The following XXYLT1 variants were observed in gnomAD, a reference collection of about 807,000 sequenced individuals.
The protein encoded by XXYLT1 is UDP-xylose:alpha-xyloside alpha-1,3-xylosyltransferase.
XXYLT1 carries 20 observed loss-of-function variants against 28.9 expected under a neutral mutation model. The ratio of observed to expected loss-of-function variants is 0.69; its 90% CI spans 0.49 to 1.00. The LOEUF is 1.00. Ranked by LOEUF, XXYLT1 falls within the 50% of genes least tolerant of loss-of-function variation. The pLI, the probability that XXYLT1 is intolerant of heterozygous loss-of-function variation, is 0.00. For missense variants in XXYLT1, 542 were observed against 560.1 expected (o/e 0.97, Z 0.33); for synonymous variants, 257 against 253.8 (o/e 1.01, Z -0.12).
chr3:195,138,973 A>G (rs1219852006), intron 3 of XXYLT1, among the ~76,000 whole-genome samples: 1 of 152,062 alleles, frequency 6.6e-6, no homozygotes, highest in Non-Finnish European at 1.5e-5. Context: ...AAGGGCCCCA[A>G]GTGTGGAAGA....
At chr3:195,161,265 T>C (rs1720856724) in intron 2 of XXYLT1, among the ~76,000 whole-genome samples, 1 of 152,178 alleles carries the variant, frequency 6.6e-6, no homozygotes, top group Non-Finnish European at 1.5e-5. Context: ...CAAAAAAGGC[T>C]CAGGGTGGAG....
intron 1 of XXYLT1, among the ~76,000 whole-genome samples, chr3:195,237,104 A>C (rs541785223): frequency 3.9e-5 from 6 of 152,284 alleles, no homozygotes; most frequent in African/African-American, 9.6e-5. Flanking sequence ...CTGGTGTCTC[A>C]TTAGGTCATG....
chr3:195,129,744 G>T lies in XXYLT1; in HGVS notation c.785+26705C>A. Among the ~76,000 whole-genome samples, 1 of 152,018 alleles carries T rather than the reference G, an allele frequency of 6.6e-6. No individual in the cohort carries two copies. The highest frequency in any genetic ancestry group is 1.9e-4 in the East Asian group (1 of 5,198). On this transcript the variant is annotated intron_variant, in intron 3 of 3. Coordinates refer to ENST00000310380, the MANE Select transcript of XXYLT1 (RefSeq NM_152531.5). The surrounding 1 kb of genome is among the most constrained non-coding windows in gnomAD (Gnocchi z 4.4). ...TCTCGGGCATTTGGTGATTTCCACC[G>T]TTTGGCTATTATGACTCATGCTGAT...
At chr3:195,253,400 CAA>C (rs1275281159) in intron 1 of XXYLT1, among the ~76,000 whole-genome samples, 1 of 151,946 alleles carries the variant, frequency 6.6e-6, no homozygotes, top group Non-Finnish European at 1.5e-5. Context: ...CAGCCTTAAG[CAA>C]AAGACACGTT....
intron 3 of XXYLT1, among the ~76,000 whole-genome samples, chr3:195,082,562 G>A (rs1292659825): frequency 6.6e-6 from 1 of 152,200 alleles, no homozygotes; most frequent in African/African-American, 2.4e-5. Context: ...CCCTGAAGAA[G>A]GATCTCTCGG....
At chr3:195,113,685 G>A (rs1038122752) in intron 3 of XXYLT1, among the ~76,000 whole-genome samples, 5 of 152,010 alleles carry the variant, frequency 3.3e-5, no homozygotes, top group African/African-American at 1.2e-4. Context: ...CACCTACTCG[G>A]AGCCAGGCCT....
At chr3:195,147,425 C>G (rs1277354754) in intron 3 of XXYLT1, among the ~76,000 whole-genome samples, 1 of 152,138 alleles carries the variant, frequency 6.6e-6, no homozygotes, top group Non-Finnish European at 1.5e-5. Flanking sequence ...CAAAAATTAG[C>G]CAGGCATGGT....
At chr3:195,211,068 C>T (rs6762327) in intron 2 of XXYLT1, among the ~76,000 whole-genome samples, 6,584 of 152,200 alleles carry the variant, frequency 0.043, 450 homozygotes, top group African/African-American at 0.15. Flanking sequence ...CGGGATTCCA[C>T]CCCCAAAGGT....
intron 1 of XXYLT1, among the ~76,000 whole-genome samples, chr3:195,243,731 T>C (rs1724882048): frequency 6.6e-6 from 1 of 152,210 alleles, no homozygotes; most frequent in African/African-American, 2.4e-5. Flanking sequence ...ATGCTCTGAA[T>C]TTGGTTAGCT....
intron 1 of XXYLT1, 53 bp downstream of exon 1, chr3:195,270,502 G>C: frequency 7.4e-7 from 1 of 1,355,202 alleles, no homozygotes; most frequent in Non-Finnish European, 9.5e-7. Context: ...AACTGACCTC[G>C]CCTAGGATGG....
chr3:195,218,584 T>G (rs1264620997), intron 2 of XXYLT1, among the ~76,000 whole-genome samples: 2 of 151,948 alleles, frequency 1.3e-5, no homozygotes. Context: ...TCACTGGCCA[T>G]CAGAGAAATG....
chr3:195,154,003 G>T (rs995291620), intron 3 of XXYLT1: 1 of 152,304 alleles, frequency 6.6e-6, no homozygotes, highest in East Asian at 1.9e-4. Flanking sequence ...CTTCTCAGGT[G>T]GGGGAACAAA....
chr3:195,101,983 T>C (rs1165281248), intron 3 of XXYLT1, among the ~76,000 whole-genome samples: 1 of 956 alleles, frequency 1.0e-3, no homozygotes, highest in Admixed American at 9.8e-3. Context: ...GAGGGAGGGA[T>C]GCGGGGAGGG....
At chr3:195,259,236 C>A (rs574511197) in intron 1 of XXYLT1, among the ~76,000 whole-genome samples, 1 of 152,370 alleles carries the variant, frequency 6.6e-6, no homozygotes, top group East Asian at 1.9e-4. Context: ...TAAATAAAAC[C>A]AATGGCCTTA....
intron 3 of XXYLT1, among the ~76,000 whole-genome samples, chr3:195,111,763 A>T (rs28756361): frequency 2.0e-5 from 3 of 152,106 alleles, no homozygotes; most frequent in Non-Finnish European, 4.4e-5. Flanking sequence ...TTCTAACATA[A>T]GCTGTCTTCA....
Position 195,069,376 on chromosome 3 carries a change from G to A in XXYLT1, c.*339C>T. On this transcript the variant is annotated 3_prime_UTR_variant, in exon 4 of 4. Transcript: ENST00000310380. ...TTTATATTGGTCCAAAAAAGGCCGG[G>A]TCTAAAGGATTTCCATTCCTCAGAG... 1 of 289,282 alleles carries A rather than the reference G, an allele frequency of 3.5e-6. No individual in the cohort carries two copies. Among genetic ancestry groups the A allele is most frequent in the Non-Finnish European group, 6.5e-6 (1 of 154,646 alleles). The allele number at this position is 289,282 out of a possible 1,614,324, so 17.9% of individuals were successfully genotyped here.
chr3:195,183,791 A>C (rs1722059357), intron 2 of XXYLT1, among the ~76,000 whole-genome samples: 1 of 152,202 alleles, frequency 6.6e-6, no homozygotes, highest in Non-Finnish European at 1.5e-5. Flanking sequence ...GAAAGGGGCA[A>C]TTTGGGACCA....
chr3:195,116,542 C>T (rs1718052263), intron 3 of XXYLT1, among the ~76,000 whole-genome samples: 1 of 152,146 alleles, frequency 6.6e-6, no homozygotes, highest in Non-Finnish European at 1.5e-5. Flanking sequence ...GAACTTGGCC[C>T]AGGAAACACA....
chr3:195,137,870 T>G (rs1010137353), intron 3 of XXYLT1, among the ~76,000 whole-genome samples: 9 of 152,210 alleles, frequency 5.9e-5, no homozygotes, highest in African/African-American at 1.9e-4. Flanking sequence ...CATAAACCCT[T>G]GCAGGTCAGA....
Sources: allele counts gnomAD v4.1 joint callset (sites outside exome capture counted in the v4.1 genomes callset), GRCh38; gene constraint gnomAD v4.1.1; non-coding constraint Gnocchi (gnomAD v3.1); transcripts MANE v1.5; gene names NCBI Gene and HGNC (gene_info 2026-07-23, HGNC 2026-07-21).